GLIS3: variants seen among roughly 807,000 people sequenced by gnomAD.
The protein encoded by GLIS3 is zinc finger protein GLIS3.
GLIS3 carries 53 observed loss-of-function variants against 78.6 expected under a neutral mutation model. The observed-to-expected ratio is 0.67, with a 90% CI of 0.54 to 0.85. GLIS3 has a LOEUF of 0.85. Ranked by LOEUF, GLIS3 falls within the 40% of genes least tolerant of loss-of-function variation. The pLI is 0.00. For missense variants in GLIS3, 1,703 were observed against 1,231.1 expected (o/e 1.38, Z -5.74); for synonymous variants, 684 against 509.9 (o/e 1.34, Z -4.60).
At chr9:3,829,598 G>T in intron 9 of GLIS3, 106 bp from the exon 10 acceptor site, 2 of 1,119,770 alleles carry the variant, frequency 1.8e-6, no homozygotes, top group Non-Finnish European at 2.7e-6. Flanking sequence ...TAAGACAAAT[G>T]CCTTTAACTC....
chr9:4,458,582 G>A, the GLIS3 span, among the ~76,000 whole-genome samples: 2 of 152,268 alleles, frequency 1.3e-5, no homozygotes, highest in East Asian at 3.9e-4. Flanking sequence ...GAGGTTAGGA[G>A]CTCAAGACCA....
chr9:3,833,315 A>G (rs1232131529), intron 9 of GLIS3, among the ~76,000 whole-genome samples: 3 of 152,214 alleles, frequency 2.0e-5, no homozygotes, highest in Non-Finnish European at 4.4e-5. Context: ...TGGTTTTCAT[A>G]TATTCTCTTC....
intron 6 of GLIS3, among the ~76,000 whole-genome samples, chr9:3,925,603 G>A (rs188150605): frequency 2.9e-4 from 42 of 146,128 alleles, no homozygotes; most frequent in Admixed American, 6.1e-4. Flanking sequence ...GTGCGTGTGC[G>A]CGCGTGTGTG....
chr9:4,171,920 C>A (rs538533847), intron 2 of GLIS3, among the ~76,000 whole-genome samples: 3 of 152,038 alleles, frequency 2.0e-5, no homozygotes, highest in African/African-American at 4.8e-5. Context: ...AAGCAAAGGT[C>A]GAAAAGTGGC....
At chr9:3,833,087 C>T in intron 9 of GLIS3, among the ~76,000 whole-genome samples, 1 of 152,182 alleles carries the variant, frequency 6.6e-6, no homozygotes, top group East Asian at 1.9e-4. Context: ...ATCCAACATT[C>T]TGGGCTTCAT....
intron 2 of GLIS3, among the ~76,000 whole-genome samples, chr9:4,340,882 G>C (rs1428542366): frequency 6.6e-6 from 1 of 152,140 alleles, no homozygotes. Flanking sequence ...TATTAGTATA[G>C]ATGGGGTTTC....
intron 2 of GLIS3, among the ~76,000 whole-genome samples, chr9:4,187,510 T>C (rs1817917029): frequency 6.6e-6 from 1 of 152,164 alleles, no homozygotes; most frequent in Non-Finnish European, 1.5e-5. Context: ...AACTTTAAAG[T>C]AGTTTTTTCC....
At chr9:4,405,081 G>A in the GLIS3 span, among the ~76,000 whole-genome samples, 85 of 152,222 alleles carry the variant, frequency 5.6e-4, no homozygotes, top group East Asian at 3.1e-3. Flanking sequence ...CCTGCCTGGC[G>A]CAGTGGCTCA....
intron 2 of GLIS3, among the ~76,000 whole-genome samples, chr9:4,206,913 G>C (rs1015172920): frequency 3.3e-5 from 5 of 152,194 alleles, no homozygotes; most frequent in African/African-American, 7.2e-5. Flanking sequence ...GGAGGACGAA[G>C]TCCATGATAC....
At chr9:4,415,374 T>C in the GLIS3 span, among the ~76,000 whole-genome samples, 2 of 152,232 alleles carry the variant, frequency 1.3e-5, no homozygotes, top group African/African-American at 2.4e-5. Context: ...TACCACGCAT[T>C]TGACATTTGG....
At chr9:4,065,234 C>G (rs1348485302) in intron 4 of GLIS3, among the ~76,000 whole-genome samples, 1 of 152,166 alleles carries the variant, frequency 6.6e-6, no homozygotes, top group Non-Finnish European at 1.5e-5. Context: ...CCCTAACTCA[C>G]AGCCACCCTC....
the GLIS3 span, among the ~76,000 whole-genome samples, chr9:4,369,558 G>A: frequency 7.9e-5 from 12 of 152,312 alleles, no homozygotes; most frequent in South Asian, 2.3e-3. Context: ...CTGAGAGTCA[G>A]AAGACTCAGG....
chr9:4,489,531 A>C, the GLIS3 span, among the ~76,000 whole-genome samples: 893 of 152,326 alleles, frequency 5.9e-3, 5 homozygotes, highest in Non-Finnish European at 0.01. Flanking sequence ...AAGGGAGGGA[A>C]AGAGATTGTA....
chr9:4,106,547 T>C (rs1484855470), intron 4 of GLIS3, among the ~76,000 whole-genome samples: 2 of 152,126 alleles, frequency 1.3e-5, no homozygotes, highest in Non-Finnish European at 2.9e-5. Flanking sequence ...TGTTTGAATA[T>C]ATTTATGGAA....
chr9:4,140,077 C>T (rs1342526186), intron 2 of GLIS3, among the ~76,000 whole-genome samples: 2 of 152,130 alleles, frequency 1.3e-5, no homozygotes, highest in Non-Finnish European at 2.9e-5. Flanking sequence ...CTTACATAGT[C>T]GTCATAGCCG....
intron 2 of GLIS3, among the ~76,000 whole-genome samples, chr9:4,343,684 C>A (rs539355478): frequency 6.6e-6 from 1 of 152,272 alleles, no homozygotes; most frequent in African/African-American, 2.4e-5. Flanking sequence ...CAACGGTGGA[C>A]CGGATAAAGA....
intron 4 of GLIS3, among the ~76,000 whole-genome samples, chr9:4,091,783 T>G (rs1402618111): frequency 6.6e-6 from 1 of 152,190 alleles, no homozygotes; most frequent in Non-Finnish European, 1.5e-5. Context: ...ACCCCTCTTC[T>G]TTATAAATTA....
At chr9:4,464,914 G>C in the GLIS3 span, among the ~76,000 whole-genome samples, 1 of 152,098 alleles carries the variant, frequency 6.6e-6, no homozygotes, top group Non-Finnish European at 1.5e-5. Context: ...CCCCAAAATG[G>C]TATTAAGATA....
intron 2 of GLIS3, among the ~76,000 whole-genome samples, chr9:4,260,670 C>T (rs1288697543): frequency 4.6e-5 from 7 of 151,858 alleles, no homozygotes; most frequent in East Asian, 1.9e-4. Context: ...CTGTTGAACC[C>T]GGGAGGCGGA....
Sources: gnomAD v4.1 joint callset for allele counts (sites outside exome capture counted in the v4.1 genomes callset) on GRCh38, gnomAD v4.1.1 for gene constraint, MANE v1.5 for transcripts, NCBI Gene and HGNC (gene_info 2026-07-23, HGNC 2026-07-21) for gene names.